Variants in MAD1L1 observed in about 807,000 individuals in gnomAD.
The protein encoded by MAD1L1 is mitotic arrest deficient 1 like 1.
A neutral mutation model predicts 96.9 loss-of-function variants in MAD1L1; 95 were observed. The observed-to-expected ratio is 0.98, with a 90% CI of 0.83 to 1.16. The LOEUF (loss-of-function observed/expected upper bound fraction) is 1.16, where lower values mean the gene tolerates loss of function less well. Ranked by LOEUF, MAD1L1 falls within the 50% of genes most tolerant of loss-of-function variation. The pLI is 0.00. For synonymous variants in MAD1L1, 473 were observed against 396.6 expected (o/e 1.19, Z -2.29); for missense variants, 1,007 against 954.4 (o/e 1.06, Z -0.73).
chr7:1,820,938 G>A lies in MAD1L1; in HGVS notation c.1999-4710C>T, dbSNP rs562957912. On this transcript the variant is annotated intron_variant, in intron 18 of 18. Transcript: ENST00000265854. ...CTACTAAAAATACAAAAAATTAGCC[G>A]GGTGTGGTGGCGGGTGCCTGTAGTC... Among the ~76,000 whole-genome samples the A allele has an allele frequency of 2.0e-4, 31 of 151,906 alleles. 1 individual carries two copies. In the South Asian group the frequency reaches 6.1e-3, roughly 30 times the overall value.
intron 15 of MAD1L1, among the ~76,000 whole-genome samples, chr7:1,976,529 G>A (rs141168257): frequency 6.6e-6 from 1 of 152,318 alleles, no homozygotes; most frequent in Non-Finnish European, 1.5e-5. Flanking sequence ...TCATAAAGCA[G>A]TGCGGACCCA....
At chr7:2,193,389 A>G (rs1273339424) in intron 10 of MAD1L1, 1 of 152,648 alleles carries the variant, frequency 6.6e-6, no homozygotes, top group Non-Finnish European at 1.5e-5. Context: ...CTTGGTCCTC[A>G]AAGCCCTTCC....
intron 17 of MAD1L1, among the ~76,000 whole-genome samples, chr7:1,936,400 G>A (rs1384009477): frequency 6.6e-6 from 1 of 152,234 alleles, no homozygotes; most frequent in Non-Finnish European, 1.5e-5. Context: ...CATATAAACT[G>A]ACAAATGATA....
intron 12 of MAD1L1, among the ~76,000 whole-genome samples, chr7:2,026,923 A>G (rs1783019527): frequency 6.6e-6 from 1 of 152,198 alleles, no homozygotes; most frequent in Non-Finnish European, 1.5e-5. Context: ...TAAAATACAT[A>G]TGGGAAAAAA....
chr7:2,093,675 G>A lies in MAD1L1; in HGVS notation c.1074-24337C>T, dbSNP rs548421010. Reference sequence around the variant, plus strand: ...CACAGAATGTGGGGAAAGCAGATCCGGCGAACCTAGAAGAGGAAGTGGCCC... The same window carrying A: ...CACAGAATGTGGGGAAAGCAGATCCAGCGAACCTAGAAGAGGAAGTGGCCC... On this transcript the variant is annotated intron_variant, in intron 11 of 18. Transcript: ENST00000265854. Among the ~76,000 whole-genome samples, 20 of 152,288 alleles carry A rather than the reference G, an allele frequency of 1.3e-4. 1 individual carries two copies. The East Asian group carries it at 2.5e-3, about 19-fold the overall frequency.
At chr7:1,850,929 G>T (rs1047003605) in intron 18 of MAD1L1, among the ~76,000 whole-genome samples, 12 of 152,212 alleles carry the variant, frequency 7.9e-5, no homozygotes, top group African/African-American at 2.9e-4. Flanking sequence ...GCAGCTTCCG[G>T]GCATCAGAGA....
chr7:2,037,473 C>T (rs1459212999), intron 12 of MAD1L1, among the ~76,000 whole-genome samples: 1 of 152,232 alleles, frequency 6.6e-6, no homozygotes, highest in Non-Finnish European at 1.5e-5. Flanking sequence ...GCTCCCTACA[C>T]GGCTCTGTCA....
chr7:2,192,928 CTG>C (rs1169419765), intron 10 of MAD1L1, among the ~76,000 whole-genome samples: 5 of 152,138 alleles, frequency 3.3e-5, no homozygotes, highest in Admixed American at 6.5e-5. Context: ...AAGGAAAAAA[CTG>C]TGAACTTAAC....
intron 18 of MAD1L1, among the ~76,000 whole-genome samples, chr7:1,861,243 G>GGGGGCTGGGCT (rs1371569605): frequency 2.6e-5 from 4 of 152,194 alleles, no homozygotes; most frequent in African/African-American, 7.2e-5. Flanking sequence ...TGGGTCCGGT[G>GGGGGCTGGGCT]GGGGCTGGGC....
rs149203791 is a variant in MAD1L1 at position 1,892,578 on chromosome 7, G to A, written c.1998+5622C>T. Among the ~76,000 whole-genome samples the A allele has an allele frequency of 1.4e-3, 207 of 152,320 alleles. 2 individuals carry two copies. The highest frequency in any genetic ancestry group is 4.9e-3 in the African/African-American group (202 of 41,568). On this transcript the variant is annotated intron_variant, in intron 18 of 18. Coordinates refer to ENST00000265854, the MANE Select transcript of MAD1L1 (RefSeq NM_001013836.2). ...CATTAAGCATTTCCTTTGAGTGACA[G>A]ACCCACAATAAAAAAAGCTGTGGAT... is the stretch of plus-strand genomic sequence containing the variant.
At chr7:1,965,361 C>A (rs1780119865) in intron 15 of MAD1L1, among the ~76,000 whole-genome samples, 2 of 152,230 alleles carry the variant, frequency 1.3e-5, no homozygotes, top group Admixed American at 1.3e-4. Context: ...CCACGCCTGC[C>A]CTTCCTCTCC....
chr7:1,888,874 G>A (rs1462757588), intron 18 of MAD1L1, among the ~76,000 whole-genome samples: 1 of 152,214 alleles, frequency 6.6e-6, no homozygotes, highest in Non-Finnish European at 1.5e-5. Context: ...GCCAGTGCGA[G>A]GGCAGGGCCT....
chr7:1,966,806 G>A (rs564751130), intron 15 of MAD1L1, among the ~76,000 whole-genome samples: 3 of 152,386 alleles, frequency 2.0e-5, no homozygotes, highest in Admixed American at 6.5e-5. Flanking sequence ...CAATCGTGGC[G>A]TGCTGGGAGG....
chr7:2,162,809 C>A (rs1790228903), intron 10 of MAD1L1, among the ~76,000 whole-genome samples: 1 of 137,712 alleles, frequency 7.3e-6, no homozygotes, highest in African/African-American at 2.5e-5. Flanking sequence ...CAGAAAAACA[C>A]ACAATTATCT....
intron 12 of MAD1L1, among the ~76,000 whole-genome samples, chr7:2,037,504 G>A (rs1008464666): frequency 2.0e-5 from 3 of 152,214 alleles, no homozygotes; most frequent in Non-Finnish European, 4.4e-5. Context: ...TCCTCATGGC[G>A]TTTCAGACAT....
rs982235730 is a variant in MAD1L1, at chr7:2,119,548, G to C, written c.1073+29604C>G. On this transcript the variant is annotated intron_variant, in intron 11 of 18. Coordinates refer to ENST00000265854, the MANE Select transcript of MAD1L1 (RefSeq NM_001013836.2). The surrounding 1 kb of genome is among the most constrained non-coding windows in gnomAD (Gnocchi z 4.6). Reference sequence around the variant, plus strand: ...GGCAGCTCTCAGGTCCCGACTGTGGGGACAGCACGTGCCCGAGCTCTGACC... The same window carrying C: ...GGCAGCTCTCAGGTCCCGACTGTGGCGACAGCACGTGCCCGAGCTCTGACC... Among the ~76,000 whole-genome samples, 1 of 152,186 alleles carries C rather than the reference G, an allele frequency of 6.6e-6. No individual in the cohort carries two copies. Among genetic ancestry groups the C allele is most frequent in the Non-Finnish European group, 1.5e-5 (1 of 68,030 alleles).
In MAD1L1 at chr7:2,031,940, C is replaced by A. The variant is rs181894365; in HGVS notation, c.1219-17298G>T. 2.0e-5 allele frequency among the ~76,000 whole-genome samples: 3 copies of A among 152,372 alleles called. No homozygotes were observed. The East Asian group carries it at 5.8e-4, about 29-fold the overall frequency. On this transcript the variant is annotated intron_variant, in intron 12 of 18. Coordinates refer to ENST00000265854, the MANE Select transcript of MAD1L1 (RefSeq NM_001013836.2). ...CAGACGGGTTCCTTTCCTCTCTAGG[C>A]CTCCAGCGTTCCTATCAGCAAAACA...
At chr7:1,879,981 C>T (rs1046410124) in intron 18 of MAD1L1, among the ~76,000 whole-genome samples, 9 of 152,154 alleles carry the variant, frequency 5.9e-5, no homozygotes, top group African/African-American at 9.7e-5. Context: ...CCGCCCACCT[C>T]GACCTCCCAA....
intron 17 of MAD1L1, among the ~76,000 whole-genome samples, chr7:1,911,174 G>T (rs992035805): frequency 1.3e-5 from 2 of 152,060 alleles, no homozygotes; most frequent in African/African-American, 2.4e-5. Context: ...AGTTGCCTTC[G>T]GCCTTCCTGG....
Sources: gnomAD v4.1 joint callset for allele counts (sites outside exome capture counted in the v4.1 genomes callset) on GRCh38, gnomAD v4.1.1 for gene constraint, Gnocchi (gnomAD v3.1) non-coding constraint, MANE v1.5 for transcripts, NCBI Gene and HGNC (gene_info 2026-07-23, HGNC 2026-07-21) for gene names.